ATP13A1: variants seen among roughly 807,000 people sequenced by gnomAD.
The protein encoded by ATP13A1 is ATPase 13A1, also known as endoplasmic reticulum transmembrane helix translocase.
Under a neutral mutation model 134.8 loss-of-function variants are expected in ATP13A1, and 55 were observed. The observed-to-expected ratio is 0.41, with a 90% CI of 0.33 to 0.51. The LOEUF (loss-of-function observed/expected upper bound fraction) is 0.51. ATP13A1 is among the 20% of genes least tolerant of loss of function. The probability of loss-of-function intolerance (pLI) is 0.29; values close to 1 mark genes in which losing one functional copy is unlikely to be tolerated. For synonymous variants in ATP13A1, 775 were observed against 725.1 expected (o/e 1.07, Z -1.10); for missense variants, 1,389 against 1,652.8 (o/e 0.84, Z 2.77).
rs548819743 is a variant in ATP13A1, at chr19:19,656,331, C to T, written c.1084-148G>A. On this transcript the variant is annotated intron_variant, in intron 7 of 25. Transcript: ENST00000357324. This position sits in a 1 kb window ranked among gnomAD's most constrained non-coding sequence, Gnocchi z 4.6. ...ATCCCACCCAGCTCCCAGATCCTCA[C>T]CCTCACCCCGTCCTGTCTTCTCCCC... 36 of 1,163,952 alleles carry T rather than the reference C, an allele frequency of 3.1e-5. 1 individual carries two copies. Among genetic ancestry groups the T allele is most frequent in the Middle Eastern group, 3.0e-4 (1 of 3,364 alleles). 72.1% of individuals were successfully genotyped at this position (1,163,952 alleles called of 1,614,324 possible). A position where few individuals can be genotyped will look rare whatever the true frequency, so the allele number is the denominator to read the frequency against.
intron 19 of ATP13A1, among the ~76,000 whole-genome samples, chr19:19,649,090 C>T (rs1285660897): frequency 6.6e-6 from 1 of 151,978 alleles, no homozygotes; most frequent in Non-Finnish European, 1.5e-5. Flanking sequence ...CCATTGTACT[C>T]CAGCCTGGGT....
At chr19:19,652,551 C>T (rs1420512460) in intron 16 of ATP13A1, 44 bp downstream of exon 16, 1 of 1,583,200 alleles carries the variant, frequency 6.3e-7, no homozygotes, top group Non-Finnish European at 8.6e-7. Flanking sequence ...ATCTCCTCGC[C>T]TCTATTTCCC....
chr19:19,646,830 ACC>A (rs777285031), intron 22 of ATP13A1: 95 of 462,818 alleles, frequency 2.1e-4, no homozygotes, highest in Non-Finnish European at 3.1e-4. Flanking sequence ...GTAGCCTATG[ACC>A]CACTTAGTTG....
chr19:19,657,463 GTC>G (rs1449740651), intron 3 of ATP13A1, 55 bp from the exon 4 acceptor site: 1 of 1,514,034 alleles, frequency 6.6e-7, no homozygotes, highest in East Asian at 2.5e-5. Flanking sequence ...GGGGTATGGA[GTC>G]TCCACCCTGA....
At chr19:19,662,261 T>C (rs967710251) in intron 1 of ATP13A1, 12 of 1,469,394 alleles carry the variant, frequency 8.2e-6, no homozygotes, top group African/African-American at 4.2e-5. Context: ...AGCTACCACG[T>C]TGAGCTCCTC....
chr19:19,655,641 C>T lies in ATP13A1; in HGVS notation c.1283G>A (p.Arg428His), dbSNP rs760363533. Residue 428 changes from arginine (R) to histidine (H), a missense_variant, in exon 10 of 26, where the codon CGC becomes CAC. This residue lies in a region of ATP13A1 where 747 missense variants were observed against 956.1 expected (regional missense o/e 0.78). Transcript: ENST00000357324. This position sits in a 1 kb window ranked among gnomAD's most constrained non-coding sequence, Gnocchi z 5.7. ...GFNTSQGKLLRTILFGVKRVT... is the reference protein window; with the variant it reads ...GFNTSQGKLLHTILFGVKRVT... Reference sequence around the variant, plus strand: ...CCTCTTGACCCCGAAGAGGATGGTGCGCAGCAGCTTGCCCTGGAGGAATGG... The same window carrying T: ...CCTCTTGACCCCGAAGAGGATGGTGTGCAGCAGCTTGCCCTGGAGGAATGG... 4 of 1,613,106 alleles carry T rather than the reference C, an allele frequency of 2.5e-6. No homozygotes were observed. The highest frequency in any genetic ancestry group is 3.3e-5 in the Admixed American group (2 of 59,898).
Position 19,663,257 on chromosome 19 carries a change from G to A in ATP13A1, c.396+14C>T. On this transcript the variant is annotated intron_variant, in intron 1 of 25. Coordinates refer to ENST00000357324, the MANE Select transcript of ATP13A1 (RefSeq NM_020410.3). Reference sequence around the variant, plus strand: ...CGACCGTGCTGGGGGTCGGGCTCGCGTGTACACACTTACCGGGGTGCAGGT... The same window carrying A: ...CGACCGTGCTGGGGGTCGGGCTCGCATGTACACACTTACCGGGGTGCAGGT... 1 of 1,570,476 alleles carries A rather than the reference G, an allele frequency of 6.4e-7. No individual in the cohort carries two copies. Among genetic ancestry groups the A allele is most frequent in the Non-Finnish European group, 8.6e-7 (1 of 1,159,506 alleles).
chr19:19,662,248 C>T, intron 1 of ATP13A1: 1 of 1,483,052 alleles, frequency 6.7e-7, no homozygotes. Flanking sequence ...TGTACTACCT[C>T]AAAGCTACCA....
At position 19,649,883 on chromosome 19, in the gene ATP13A1, C is replaced by T. The variant is rs1344349758; in HGVS notation, c.2393G>A (p.Gly798Asp). 1 of 1,601,774 alleles carries T rather than the reference C, an allele frequency of 6.2e-7. No individual in the cohort carries two copies. ...CTCCAGGGCCAGTGCCTTTGGGGAG[C>T]CCCGGGCCAGGGGCAGCACGATGCT... ...DGSIVLPLAR[G>D]SPKALALEYA... Residue 798 changes from glycine (G) to aspartate (D), a missense_variant, in exon 18 of 26, where the codon GGC (glycine) becomes GAC (aspartate). Around this residue, in one of 4 missense-constraint regions of ATP13A1, gnomAD observed 747 missense variants for 956.1 expected, o/e 0.78. Transcript: ENST00000357324.
At chr19:19,659,223 C>T (rs1305672918) in intron 3 of ATP13A1, among the ~76,000 whole-genome samples, 1 of 152,098 alleles carries the variant, frequency 6.6e-6, no homozygotes, top group African/African-American at 2.4e-5. Context: ...GGGAGGCCAA[C>T]ATGGGAGGAT....
intron 3 of ATP13A1, among the ~76,000 whole-genome samples, chr19:19,658,211 T>C (rs1204168546): frequency 1.3e-5 from 2 of 150,646 alleles, no homozygotes; most frequent in Non-Finnish European, 2.9e-5. Context: ...AAGGGTGTGT[T>C]CTGCAGTACT....
rs780666812 is a variant in ATP13A1, at chr19:19,655,265, T to A, written c.1535-26A>T. On this transcript the variant is annotated intron_variant, in intron 11 of 25. Transcript: ENST00000357324. This position sits in a 1 kb window ranked among gnomAD's most constrained non-coding sequence, Gnocchi z 5.7. The stretch of plus-strand genomic sequence containing the variant: ...CTAGGGGCGGGAGTGAGGTCAGGGG[T>A]CCTGCTTGGCCCCAGCCCACTCGGC... 6.2e-7 allele frequency: 1 copy of A among 1,613,626 alleles called. No individual in the cohort carries two copies. Among genetic ancestry groups the A allele is most frequent in the South Asian group, 1.1e-5 (1 of 91,070 alleles).
intron 22 of ATP13A1, 152 bp downstream of exon 22, chr19:19,646,977 G>T: frequency 2.3e-6 from 2 of 859,484 alleles, no homozygotes; most frequent in Non-Finnish European, 3.5e-6. Context: ...GTCCACACCT[G>T]CCCTGCCAGC....
rs914010330 is a variant in ATP13A1, at chr19:19,656,793, C to A, written c.977-27G>T. 9 of 1,612,642 alleles carry A rather than the reference C, an allele frequency of 5.6e-6. No individual in the cohort carries two copies. Among genetic ancestry groups the A allele is most frequent in the Non-Finnish European group, 7.6e-6 (9 of 1,179,446 alleles). On this transcript the variant is annotated intron_variant, in intron 6 of 25. Coordinates refer to ENST00000357324, the MANE Select transcript of ATP13A1 (RefSeq NM_020410.3). This position sits in a 1 kb window ranked among gnomAD's most constrained non-coding sequence, Gnocchi z 4.6. The stretch of plus-strand genomic sequence containing the variant: ...TGCAGGGCAGAGGCAGGAGGGTTGG[C>A]CAGAGGCCCTGAGGCTGGGGCTCCC...
chr19:19,653,708 G>T lies in ATP13A1; in HGVS notation c.2100+76C>A. On this transcript the variant is annotated intron_variant, in intron 15 of 25. Transcript: ENST00000357324. The surrounding 1 kb of genome is among the most constrained non-coding windows in gnomAD (Gnocchi z 4.2). Reference sequence around the variant, plus strand: ...TCACAACCATTCAACCTGGCACTGTGGGACACAGGAGGTGACTCAGGGAGG... The same window carrying T: ...TCACAACCATTCAACCTGGCACTGTTGGACACAGGAGGTGACTCAGGGAGG... 2 of 1,313,134 alleles carry T rather than the reference G, an allele frequency of 1.5e-6. No individual in the cohort carries two copies. Among genetic ancestry groups the T allele is most frequent in the Non-Finnish European group, 2.1e-6 (2 of 948,878 alleles). 81.3% of individuals were successfully genotyped at this position (1,313,134 alleles called of 1,614,324 possible).
intron 1 of ATP13A1, chr19:19,662,979 C>A: frequency 3.5e-6 from 2 of 565,354 alleles, no homozygotes; most frequent in Admixed American, 2.9e-5. Flanking sequence ...CTGACCTGGG[C>A]GACGTATGCT....
chr19:19,650,504 T>C (rs1318163188), intron 17 of ATP13A1: 1 of 160,768 alleles, frequency 6.2e-6, no homozygotes, highest in Non-Finnish European at 1.4e-5. Context: ...CACTGCCTGC[T>C]CACCCTGGAC....
chr19:19,647,869 A>C lies in ATP13A1; in HGVS notation c.2633-110T>G. 7.3e-7 allele frequency: 1 copy of C among 1,370,486 alleles called. No individual in the cohort carries two copies. The highest frequency in any genetic ancestry group is 2.5e-5 in the East Asian group (1 of 39,712). The allele number at this position is 1,370,486 out of a possible 1,614,324, so 84.9% of individuals were successfully genotyped here. A position where few individuals can be genotyped will look rare whatever the true frequency, so the allele number is the denominator to read the frequency against. ...TCCCCCAGCTGGCTCCCGTGAGGAC[A>C]GTTCCCAGACTTCCCCATTTCACCT... On this transcript the variant is annotated intron_variant, in intron 19 of 25. Transcript: ENST00000357324. This position sits in a 1 kb window ranked among gnomAD's most constrained non-coding sequence, Gnocchi z 4.8.
rs1434358002 is a variant in ATP13A1, at chr19:19,653,451, G to C, written c.2100+333C>G. On this transcript the variant is annotated intron_variant, in intron 15 of 25. Transcript: ENST00000357324. This position sits in a 1 kb window ranked among gnomAD's most constrained non-coding sequence, Gnocchi z 4.2. ...GGCAGATGTGCCGGTGGTGGAGGCG[G>C]AGGGTGGGCTTTGTGGAGGATGGAT... 5.4e-6 allele frequency: 2 copies of C among 369,524 alleles called. No homozygotes were observed. The highest frequency in any genetic ancestry group is 4.2e-5 in the African/African-American group (2 of 47,824). The allele number at this position is 369,524 out of a possible 1,614,324, so 22.9% of individuals were successfully genotyped here. A position where few individuals can be genotyped will look rare whatever the true frequency, so the allele number is the denominator to read the frequency against.
Sources: allele counts gnomAD v4.1 joint callset (sites outside exome capture counted in the v4.1 genomes callset), GRCh38; gene constraint gnomAD v4.1.1; regional missense constraint gnomAD v4.1.1; non-coding constraint Gnocchi (gnomAD v3.1); transcripts MANE v1.5; gene names NCBI Gene and HGNC (gene_info 2026-07-23, HGNC 2026-07-21).